Variants in ELK3 observed in about 807,000 individuals in gnomAD.
The protein encoded by ELK3 is ETS domain-containing protein Elk-3.
A neutral mutation model predicts 28.9 loss-of-function variants in ELK3; 10 were observed. That is an observed-to-expected ratio of 0.35 (90% CI 0.21 to 0.59). ELK3 has a LOEUF of 0.59. Ranked by LOEUF, ELK3 falls within the 20% of genes least tolerant of loss-of-function variation. The pLI is 0.82. For missense variants in ELK3, 463 were observed against 517.3 expected, an observed-to-expected ratio of 0.90 and a Z score of 1.02; for synonymous variants, 272 against 243.5, an observed-to-expected ratio of 1.12 and a Z score of -1.09.
intron 3 of ELK3, chr12:96,255,409 C>T (rs1048938014): frequency 1.3e-5 from 2 of 152,066 alleles, no homozygotes; most frequent in Non-Finnish European, 2.9e-5. Flanking sequence ...GATGAGGTCA[C>T]TTGTGGAGAG....
At chr12:96,196,621 TAAG>T (rs1242503157) in intron 1 of ELK3, among the ~76,000 whole-genome samples, 6 of 152,070 alleles carry the variant, frequency 3.9e-5, no homozygotes, top group African/African-American at 1.4e-4. Context: ...GTCAGGCAGT[TAAG>T]GAGACTGTCC....
rs1187047757 is a variant in ELK3 at position 96,247,375 on chromosome 12, G to A, written c.643G>A (p.Ala215Thr). 8 of 1,614,026 alleles carry A rather than the reference G, an allele frequency of 5.0e-6. No individual in the cohort carries two copies. Among genetic ancestry groups the A allele is most frequent in the Non-Finnish European group, 5.9e-6 (7 of 1,180,048 alleles). Reference protein sequence around the residue: ...SEAAAASAFLASSVSAKISSL... With the variant: ...SEAAAASAFLTSSVSAKISSL... ...GGCTGCGGCGGCGTCCGCCTTCCTGGCCTCGTCCGTCTCGGCCAAGATCTC... is the reference window on the plus strand; with the variant it reads ...GGCTGCGGCGGCGTCCGCCTTCCTGACCTCGTCCGTCTCGGCCAAGATCTC... The change falls in exon 3 of 5, where the codon GCC becomes ACC. Residue 215 changes from alanine to threonine, a missense_variant. Physicochemically the swap from Ala to Thr is moderately conservative, Grantham distance 58 (BLOSUM62 0). Coordinates refer to ENST00000228741, the MANE Select transcript of ELK3 (RefSeq NM_005230.4). This position sits in a 1 kb window ranked among gnomAD's most constrained non-coding sequence, Gnocchi z 5.5.
chr12:96,216,339 G>C (rs1269980987), intron 1 of ELK3, among the ~76,000 whole-genome samples: 1 of 152,208 alleles, frequency 6.6e-6, no homozygotes, highest in African/African-American at 2.4e-5. Context: ...GGAGGCCTCA[G>C]GGTCAGCATT....
intron 1 of ELK3, among the ~76,000 whole-genome samples, chr12:96,205,855 G>T (rs1216571618): frequency 6.6e-6 from 1 of 152,322 alleles, no homozygotes; most frequent in East Asian, 1.9e-4. Context: ...CAGCCACTTG[G>T]CGTTTCTGTC....
intron 2 of ELK3, among the ~76,000 whole-genome samples, chr12:96,229,118 C>G (rs531137672): frequency 3.9e-5 from 6 of 152,234 alleles, no homozygotes; most frequent in East Asian, 3.9e-4. Flanking sequence ...AAATGCTAGA[C>G]GAGTGAACAA....
chr12:96,209,202 G>A (rs1017574464), intron 1 of ELK3, among the ~76,000 whole-genome samples: 1 of 152,230 alleles, frequency 6.6e-6, no homozygotes, highest in South Asian at 2.1e-4. Flanking sequence ...AAGAGTTTGA[G>A]AGAGGAGCTA....
At chr12:96,212,302 AT>A (rs1951583850) in intron 1 of ELK3, among the ~76,000 whole-genome samples, 1 of 152,208 alleles carries the variant, frequency 6.6e-6, no homozygotes, top group South Asian at 2.1e-4. Context: ...AACAAAAACA[AT>A]TGCAAAGAAA....
At chr12:96,195,056 C>T (rs1470262813) in intron 1 of ELK3, among the ~76,000 whole-genome samples, 1 of 151,796 alleles carries the variant, frequency 6.6e-6, no homozygotes, top group Non-Finnish European at 1.5e-5. Context: ...CCCAGGGCCC[C>T]GCTGCAGGCA....
At chr12:96,204,645 T>C (rs939175266) in intron 1 of ELK3, among the ~76,000 whole-genome samples, 2 of 152,192 alleles carry the variant, frequency 1.3e-5, no homozygotes, top group African/African-American at 4.8e-5. Context: ...CTAGGGTAGC[T>C]GCAGGAATTC....
At chr12:96,232,839 G>A (rs541083930) in intron 2 of ELK3, among the ~76,000 whole-genome samples, 5 of 151,874 alleles carry the variant, frequency 3.3e-5, no homozygotes, top group South Asian at 4.2e-4. Context: ...ATGGTTGTGC[G>A]CACCTGTAGT....
rs1344081727 is a variant in ELK3 at position 96,268,786 on chromosome 12, G to A, written c.*1606G>A. ...TTGCTTTGACACTTAGAAATTCTGA[G>A]GTTTTTCAATTGGAATTGAGCATCT... On this transcript the variant is annotated 3_prime_UTR_variant, in exon 5 of 5. Coordinates refer to ENST00000228741, the MANE Select transcript of ELK3 (RefSeq NM_005230.4). The A allele has an allele frequency of 6.6e-6, 1 of 152,158 alleles. No homozygotes were observed. The highest frequency in any genetic ancestry group is 1.5e-5 in the Non-Finnish European group (1 of 68,030). The allele number at this position is 152,158 out of a possible 1,614,324, so 9.4% of individuals were successfully genotyped here.
chr12:96,217,615 C>T (rs1169933700), intron 1 of ELK3, among the ~76,000 whole-genome samples: 1 of 152,066 alleles, frequency 6.6e-6, no homozygotes, highest in Non-Finnish European at 1.5e-5. Context: ...CATGATTTAA[C>T]CCTCTTTTGA....
At chr12:96,210,688 T>C (rs964945644) in intron 1 of ELK3, among the ~76,000 whole-genome samples, 3 of 152,170 alleles carry the variant, frequency 2.0e-5, no homozygotes, top group Non-Finnish European at 2.9e-5. Flanking sequence ...GCTTATTTAG[T>C]GTTGGGTGAA....
At chr12:96,216,363 G>C (rs191190790) in intron 1 of ELK3, among the ~76,000 whole-genome samples, 1 of 152,230 alleles carries the variant, frequency 6.6e-6, no homozygotes, top group Non-Finnish European at 1.5e-5. Flanking sequence ...ACCAGTGTTT[G>C]TTAAGCTGGA....
intron 2 of ELK3, among the ~76,000 whole-genome samples, chr12:96,237,416 C>T (rs1173022792): frequency 1.1e-5 from 1 of 87,352 alleles, no homozygotes; most frequent in African/African-American, 3.0e-5. Context: ...GGTGAGCCTG[C>T]CCCCCAGACA....
intron 2 of ELK3, among the ~76,000 whole-genome samples, chr12:96,239,067 G>A (rs1565786742): frequency 6.6e-6 from 1 of 152,014 alleles, no homozygotes; most frequent in African/African-American, 2.4e-5. Flanking sequence ...CAGCTTTTTA[G>A]TTCCTATTTC....
At chr12:96,215,409 A>G (rs1414283252) in intron 1 of ELK3, among the ~76,000 whole-genome samples, 2 of 152,184 alleles carry the variant, frequency 1.3e-5, no homozygotes, top group Non-Finnish European at 2.9e-5. Context: ...AGAAGAGGCC[A>G]GTAGCTTTTC....
At chr12:96,215,827 G>A (rs934350660) in intron 1 of ELK3, among the ~76,000 whole-genome samples, 11 of 151,758 alleles carry the variant, frequency 7.2e-5, no homozygotes, top group Non-Finnish European at 1.6e-4. Flanking sequence ...GTAGAGATGG[G>A]GTCTTACTCT....
At chr12:96,218,551 C>T (rs1453846308) in intron 1 of ELK3, among the ~76,000 whole-genome samples, 1 of 151,688 alleles carries the variant, frequency 6.6e-6, no homozygotes, top group Non-Finnish European at 1.5e-5. Context: ...GCTAGAAGCC[C>T]AATCCCCGCC....
Sources: allele counts gnomAD v4.1 joint callset (sites outside exome capture counted in the v4.1 genomes callset), GRCh38; gene constraint gnomAD v4.1.1; non-coding constraint Gnocchi (gnomAD v3.1); transcripts MANE v1.5; gene names NCBI Gene and HGNC (gene_info 2026-07-23, HGNC 2026-07-21).